E2F3: variants seen among roughly 807,000 people sequenced by gnomAD.
E2F3 encodes the protein E2F transcription factor 3.
A neutral mutation model predicts 44.4 loss-of-function variants in E2F3; 11 were observed. The ratio of observed to expected loss-of-function variants is 0.25; its 90% CI spans 0.16 to 0.41. The LOEUF is 0.41. E2F3 is among the 10% of genes least tolerant of loss of function. E2F3 has a pLI of 1.00. For synonymous variants in E2F3, 249 were observed against 253.0 expected, an observed-to-expected ratio of 0.98 and a Z score of 0.15; for missense variants, 487 against 583.6, an observed-to-expected ratio of 0.83 and a Z score of 1.70.
At chr6:20,447,553 T>A (rs568860632) in intron 1 of E2F3, among the ~76,000 whole-genome samples, 4 of 151,714 alleles carry the variant, frequency 2.6e-5, no homozygotes, top group Admixed American at 6.6e-5. Flanking sequence ...TTTTTTTTTT[T>A]AAACAGTGAT....
intron 1 of E2F3, among the ~76,000 whole-genome samples, chr6:20,444,048 C>CA (rs1011646892): frequency 2.7e-5 from 4 of 150,782 alleles, no homozygotes; most frequent in African/African-American, 7.3e-5. Context: ...CAGGTCTCTA[C>CA]AAAAAAAAAT....
chr6:20,483,331 A>G (rs1762292637), intron 4 of E2F3, among the ~76,000 whole-genome samples: 2 of 152,190 alleles, frequency 1.3e-5, no homozygotes, highest in South Asian at 4.2e-4. Flanking sequence ...GGTGGGTGTT[A>G]GCTGTCACTG....
chr6:20,422,283 T>G (rs920168119), intron 1 of E2F3, among the ~76,000 whole-genome samples: 3 of 152,224 alleles, frequency 2.0e-5, no homozygotes, highest in African/African-American at 7.2e-5. Context: ...TCCTCACCTG[T>G]CAGCCGTCAA....
intron 1 of E2F3, among the ~76,000 whole-genome samples, chr6:20,444,736 A>C (rs1168458528): frequency 6.6e-6 from 1 of 150,484 alleles, no homozygotes; most frequent in African/African-American, 2.5e-5. Context: ...CGAAAAAAAC[A>C]CAACAACAAC....
intron 1 of E2F3, among the ~76,000 whole-genome samples, chr6:20,416,025 A>C (rs1224959576): frequency 6.6e-6 from 1 of 152,086 alleles, no homozygotes; most frequent in Non-Finnish European, 1.5e-5. Flanking sequence ...TCCAAACCCC[A>C]TTTCCTCGTC....
chr6:20,438,206 G>C (rs910160858), intron 1 of E2F3, among the ~76,000 whole-genome samples: 1 of 152,162 alleles, frequency 6.6e-6, no homozygotes, highest in East Asian at 1.9e-4. Context: ...CAGTCGTGAG[G>C]ATTCATTGTA....
intron 1 of E2F3, among the ~76,000 whole-genome samples, chr6:20,444,684 A>T (rs1760882223): frequency 6.6e-6 from 1 of 152,220 alleles, no homozygotes; most frequent in South Asian, 2.1e-4. Flanking sequence ...CCTCACTCAG[A>T]AGCAAGATCC....
intron 1 of E2F3, among the ~76,000 whole-genome samples, chr6:20,465,217 A>C (rs1399295105): frequency 6.6e-6 from 1 of 152,178 alleles, no homozygotes; most frequent in Non-Finnish European, 1.5e-5. Context: ...GCTGTCTGTC[A>C]GTCTTTTTCT....
chr6:20,480,336 A>G (rs1282015505), intron 2 of E2F3, among the ~76,000 whole-genome samples: 5 of 152,194 alleles, frequency 3.3e-5, no homozygotes, highest in South Asian at 2.1e-4. Context: ...GCCGACCTCA[A>G]TCTCCAGCTC....
chr6:20,403,674 CCGGCA>C, intron 1 of E2F3: 6 of 551,832 alleles, frequency 1.1e-5, no homozygotes, highest in South Asian at 2.3e-5. Flanking sequence ...GCACCCGCCC[CCGGCA>C]CCGCCACCCT....
chr6:20,479,046 A>G (rs1486210300), intron 1 of E2F3, among the ~76,000 whole-genome samples: 1 of 152,206 alleles, frequency 6.6e-6, no homozygotes, highest in Admixed American at 6.5e-5. Flanking sequence ...CGCTATGTGG[A>G]TATTTTAAAA....
intron 1 of E2F3, among the ~76,000 whole-genome samples, chr6:20,441,101 T>C (rs1760757627): frequency 1.3e-5 from 2 of 152,216 alleles, no homozygotes; most frequent in Admixed American, 1.3e-4. Context: ...GCAAGCATCA[T>C]CCATGTCCAG....
At chr6:20,442,991 A>G (rs1433622250) in intron 1 of E2F3, among the ~76,000 whole-genome samples, 1 of 151,734 alleles carries the variant, frequency 6.6e-6, no homozygotes, top group South Asian at 2.1e-4. Context: ...TCTCAAATCT[A>G]TTTTTTAAAT....
chr6:20,471,683 T>C (rs1761895470), intron 1 of E2F3, among the ~76,000 whole-genome samples: 1 of 152,168 alleles, frequency 6.6e-6, no homozygotes, highest in Non-Finnish European at 1.5e-5. Flanking sequence ...ACAACCTAAA[T>C]GTTGAGGATG....
intron 1 of E2F3, among the ~76,000 whole-genome samples, chr6:20,443,347 C>T (rs115581885): frequency 0.016 from 2,501 of 152,304 alleles, 83 homozygotes; most frequent in African/African-American, 0.057. Flanking sequence ...GACCTGAAAT[C>T]CCCAGTTTGG....
chr6:20,449,680 G>A (rs192946714), intron 1 of E2F3, among the ~76,000 whole-genome samples: 10 of 152,144 alleles, frequency 6.6e-5, no homozygotes, highest in East Asian at 1.9e-4. Flanking sequence ...AGGGAAACTC[G>A]TGTCATGAAG....
chr6:20,455,448 TGA>T (rs1761278557), intron 1 of E2F3, among the ~76,000 whole-genome samples: 1 of 152,200 alleles, frequency 6.6e-6, no homozygotes, highest in African/African-American at 2.4e-5. Flanking sequence ...CTGTTATCTT[TGA>T]GAGCTCCAGG....
intron 1 of E2F3, among the ~76,000 whole-genome samples, chr6:20,444,937 G>T (rs1028637809): frequency 6.6e-6 from 1 of 152,242 alleles, no homozygotes; most frequent in African/African-American, 2.4e-5. Context: ...GCTGGGGACA[G>T]CCGTTTTGTC....
At chr6:20,440,108 T>C (rs1261353441) in intron 1 of E2F3, 1 of 152,196 alleles carries the variant, frequency 6.6e-6, no homozygotes, top group Non-Finnish European at 1.5e-5. Flanking sequence ...TTTCTTGCAC[T>C]CCACTTACTA....
Sources: allele counts gnomAD v4.1 joint callset (sites outside exome capture counted in the v4.1 genomes callset), GRCh38; gene constraint gnomAD v4.1.1; transcripts MANE v1.5; gene names NCBI Gene and HGNC (gene_info 2026-07-23, HGNC 2026-07-21).